Variants in MPPED2 observed in about 807,000 individuals in gnomAD.
MPPED2 encodes the protein metallophosphoesterase domain containing 2, also known as metallophosphoesterase MPPED2.
Under a neutral mutation model 33.0 loss-of-function variants are expected in MPPED2, and 5 were observed. That is an observed-to-expected ratio of 0.15 (90% confidence interval 0.08 to 0.32). MPPED2 has a LOEUF of 0.32. Ranked by LOEUF, MPPED2 falls within the 10% of genes least tolerant of loss-of-function variation. MPPED2 has a pLI of 1.00. For synonymous variants in MPPED2, 136 were observed against 141.9 expected, an observed-to-expected ratio of 0.96 and a Z score of 0.29; for missense variants, 275 against 372.1, an observed-to-expected ratio of 0.74 and a Z score of 2.15.
chr11:30,493,717 A>C (rs1010309397), intron 4 of MPPED2, among the ~76,000 whole-genome samples: 1 of 152,206 alleles, frequency 6.6e-6, no homozygotes, highest in African/African-American at 2.4e-5. Flanking sequence ...GTTCACATAA[A>C]TACTTAGTGG....
intron 4 of MPPED2, among the ~76,000 whole-genome samples, chr11:30,454,374 C>G (rs1351610654): frequency 6.6e-6 from 1 of 151,954 alleles, no homozygotes; most frequent in Non-Finnish European, 1.5e-5. Context: ...ATCAGTTTAA[C>G]AATACACAGT....
chr11:30,478,667 G>C (rs536809648), intron 4 of MPPED2, among the ~76,000 whole-genome samples: 4 of 152,176 alleles, frequency 2.6e-5, no homozygotes, highest in Admixed American at 1.3e-4. Flanking sequence ...TCCTGAAAAG[G>C]CTCTAAACCA....
At chr11:30,525,444 G>A (rs1954113752) in intron 3 of MPPED2, among the ~76,000 whole-genome samples, 1 of 152,068 alleles carries the variant, frequency 6.6e-6, no homozygotes, top group African/African-American at 2.4e-5. Context: ...TTTTCATACA[G>A]TAAAATTCCT....
intron 6 of MPPED2, among the ~76,000 whole-genome samples, chr11:30,395,854 C>T (rs964671849): frequency 1.3e-5 from 2 of 152,122 alleles, no homozygotes; most frequent in Non-Finnish European, 2.9e-5. Context: ...CACATGTTCA[C>T]GGAGGTATTA....
chr11:30,420,364 T>C (rs556198911), intron 4 of MPPED2, among the ~76,000 whole-genome samples: 4 of 152,340 alleles, frequency 2.6e-5, no homozygotes, highest in African/African-American at 9.6e-5. Context: ...GATCTTCCTA[T>C]AGAGCCTCCA....
intron 3 of MPPED2, among the ~76,000 whole-genome samples, chr11:30,497,009 G>C (rs1421518183): frequency 6.6e-6 from 1 of 152,156 alleles, no homozygotes; most frequent in Non-Finnish European, 1.5e-5. Flanking sequence ...TAACACTGCA[G>C]AGAGAGGAAA....
chr11:30,461,196 T>C (rs1379688796), intron 4 of MPPED2, among the ~76,000 whole-genome samples: 2 of 152,146 alleles, frequency 1.3e-5, no homozygotes, highest in East Asian at 3.9e-4. Context: ...AGAATGGTGG[T>C]TGCTAGGGGC....
At chr11:30,422,826 A>C (rs1948668662) in intron 4 of MPPED2, among the ~76,000 whole-genome samples, 1 of 152,100 alleles carries the variant, frequency 6.6e-6, no homozygotes, top group African/African-American at 2.4e-5. Context: ...TTCTAGGGAG[A>C]GATTAGAAAA....
At chr11:30,532,149 C>T (rs948982118) in intron 3 of MPPED2, among the ~76,000 whole-genome samples, 5 of 152,202 alleles carry the variant, frequency 3.3e-5, no homozygotes, top group African/African-American at 9.6e-5. Context: ...CTGGACCTTA[C>T]CTCCCATAGA....
At chr11:30,533,705 C>G (rs931503795) in intron 3 of MPPED2, among the ~76,000 whole-genome samples, 12 of 152,104 alleles carry the variant, frequency 7.9e-5, no homozygotes, top group African/African-American at 2.7e-4. Flanking sequence ...TAACCATATC[C>G]CAGGGCTCCC....
chr11:30,394,368 A>G (rs1383758921), intron 6 of MPPED2, among the ~76,000 whole-genome samples: 2 of 152,140 alleles, frequency 1.3e-5, no homozygotes, highest in African/African-American at 4.8e-5. Flanking sequence ...AGGAGGCTCT[A>G]CCATTTTTCA....
At chr11:30,552,638 T>C (rs1032694616) in intron 2 of MPPED2, among the ~76,000 whole-genome samples, 2 of 152,206 alleles carry the variant, frequency 1.3e-5, no homozygotes, top group Non-Finnish European at 2.9e-5. Flanking sequence ...GTTTAGACCA[T>C]TATAACGTCA....
At chr11:30,509,047 C>A (rs1952994485) in intron 3 of MPPED2, among the ~76,000 whole-genome samples, 1 of 152,142 alleles carries the variant, frequency 6.6e-6, no homozygotes, top group South Asian at 2.1e-4. Flanking sequence ...ATTTTGGCTA[C>A]AAAATGGCCT....
chr11:30,387,137 C>A, exon 7 of MPPED2: 1 of 182,086 alleles, frequency 5.5e-6, no homozygotes, highest in Non-Finnish European at 1.1e-5. Flanking sequence ...GCATCTAAGC[C>A]ACTCTCTCAT....
At chr11:30,532,658 C>T (rs1195272666) in intron 3 of MPPED2, among the ~76,000 whole-genome samples, 1 of 152,190 alleles carries the variant, frequency 6.6e-6, no homozygotes, top group Non-Finnish European at 1.5e-5. Flanking sequence ...GTTTACACAA[C>T]TTAACAAAGG....
chr11:30,580,254 A>C lies in MPPED2; in HGVS notation c.120T>G (p.His40Gln). 1 of 1,613,906 alleles carries C rather than the reference A, an allele frequency of 6.2e-7. No individual in the cohort carries two copies. Among genetic ancestry groups the C allele is most frequent in the Non-Finnish European group, 8.5e-7 (1 of 1,179,902 alleles). ...TCATAAGCGATACTTACATATGTAC[A>C]TGTGGAGGCTGGAATCTGCTCTGGT... ...NINQSRFQPP[H>Q]VHMVDPIPYD... Residue 40 changes from histidine (H) to glutamine (Q), a missense_variant, in exon 2 of 7, where the codon CAT (histidine) becomes CAG (glutamine). His to Gln is a conservative substitution (Grantham distance 24). Coordinates refer to ENST00000358117, the MANE Select transcript of MPPED2 (RefSeq NM_001584.3).
intron 3 of MPPED2, chr11:30,504,780 C>A: frequency 7.8e-7 from 1 of 1,289,086 alleles, no homozygotes; most frequent in Non-Finnish European, 1.0e-6. Context: ...GCTACCTTCT[C>A]CTCTGAAACT....
chr11:30,576,867 C>T (rs1324036286), intron 2 of MPPED2, among the ~76,000 whole-genome samples: 3 of 150,872 alleles, frequency 2.0e-5, no homozygotes, highest in Non-Finnish European at 4.4e-5. Context: ...CAAGGTCATA[C>T]AGGATTGCTT....
At position 30,411,049 on chromosome 11, in the gene MPPED2, A is replaced by C. The variant is rs1020655149; in HGVS notation, c.*419T>G. On this transcript the variant is annotated 3_prime_UTR_variant, in exon 7 of 7. Transcript: ENST00000358117. ...AGAAAACAACAACAACAAAACATTG[A>C]AAATTAAAATATTTCAAACAATACT... 2.0e-6 allele frequency: 2 copies of C among 986,030 alleles called. No individual in the cohort carries two copies. The highest frequency in any genetic ancestry group is 2.4e-6 in the Non-Finnish European group (2 of 830,130). The allele number at this position is 986,030 out of a possible 1,614,324, so 61.1% of individuals were successfully genotyped here. A position where few individuals can be genotyped will look rare whatever the true frequency, so the allele number is the denominator to read the frequency against.
Sources: allele counts gnomAD v4.1 joint callset (sites outside exome capture counted in the v4.1 genomes callset), GRCh38; gene constraint gnomAD v4.1.1; transcripts MANE v1.5; gene names NCBI Gene and HGNC (gene_info 2026-07-23, HGNC 2026-07-21).